Variants in ZFHX3 observed in about 807,000 individuals in gnomAD.
ZFHX3 encodes the protein zinc finger homeobox 3.
ZFHX3 carries 42 observed loss-of-function variants against 279.1 expected under a neutral mutation model. The ratio of observed to expected loss-of-function variants is 0.15; its 90% confidence interval spans 0.12 to 0.19. ZFHX3 has a LOEUF of 0.19. Among genes scored for constraint, ZFHX3 ranks in the 10% least tolerant of loss-of-function variants. ZFHX3 has a pLI of 1.00. For missense variants in ZFHX3, 4,981 were observed against 4,754.0 expected (o/e 1.05, Z -1.40); for synonymous variants, 2,293 against 1,957.8 (o/e 1.17, Z -4.52).
intron 4 of ZFHX3, among the ~76,000 whole-genome samples, chr16:73,285,124 G>C (rs527669541): frequency 6.0e-4 from 91 of 152,332 alleles, no homozygotes; most frequent in Middle Eastern, 3.4e-3. Context: ...TCATTTGGGA[G>C]CTGGCCTCAT....
At chr16:73,702,010 G>A (rs1394150628) in intron 1 of ZFHX3, among the ~76,000 whole-genome samples, 2 of 152,110 alleles carry the variant, frequency 1.3e-5, no homozygotes, top group East Asian at 1.9e-4. Context: ...GTTTTGTACT[G>A]TGTGAAATGC....
At chr16:73,272,240 G>A (rs2014167190) in intron 4 of ZFHX3, among the ~76,000 whole-genome samples, 1 of 152,168 alleles carries the variant, frequency 6.6e-6, no homozygotes, top group Non-Finnish European at 1.5e-5. Context: ...GTGACAGTAG[G>A]TTGCAGATTT....
chr16:73,500,307 TTTTGTTTTTTTG>T (rs2019213435), intron 2 of ZFHX3: 1 of 153,496 alleles, frequency 6.5e-6, no homozygotes, highest in East Asian at 1.9e-4. Context: ...CTACTTGGGT[TTTTGTTTTTTTG>T]TTTGTTTGTT....
At chr16:72,893,427 T>C (rs2038820312) in intron 3 of ZFHX3, among the ~76,000 whole-genome samples, 1 of 152,214 alleles carries the variant, frequency 6.6e-6, no homozygotes. Context: ...AGGAATAACA[T>C]GGCCAGAAGA....
At chr16:73,046,776 C>A (rs1436739318) in intron 1 of ZFHX3, among the ~76,000 whole-genome samples, 2 of 152,134 alleles carry the variant, frequency 1.3e-5, no homozygotes, top group African/African-American at 4.8e-5. Context: ...TGCATTCTGA[C>A]AAGCAGGACC....
At chr16:73,513,506 T>C (rs1471790077) in intron 2 of ZFHX3, among the ~76,000 whole-genome samples, 2 of 152,164 alleles carry the variant, frequency 1.3e-5, no homozygotes, top group African/African-American at 4.8e-5. Context: ...GGTTTACAGA[T>C]AGTTTGGCAA....
intron 1 of ZFHX3, among the ~76,000 whole-genome samples, chr16:73,735,815 G>A (rs2053604230): frequency 6.6e-6 from 1 of 152,048 alleles, no homozygotes; most frequent in East Asian, 1.9e-4. Context: ...CTTCTCTGTA[G>A]GGTTTTGAAT....
chr16:73,510,244 C>T (rs907828665), intron 2 of ZFHX3, among the ~76,000 whole-genome samples: 2 of 152,118 alleles, frequency 1.3e-5, no homozygotes, highest in African/African-American at 2.4e-5. Flanking sequence ...TGACACTTGC[C>T]TGTTTATTTA....
intron 3 of ZFHX3, among the ~76,000 whole-genome samples, chr16:72,937,404 C>T (rs537161091): frequency 6.6e-5 from 10 of 152,262 alleles, no homozygotes; most frequent in East Asian, 3.9e-4. Context: ...CTGAAAGGTC[C>T]GGCGAATTAG....
At chr16:73,349,638 CT>C (rs2016190122) in intron 3 of ZFHX3, among the ~76,000 whole-genome samples, 37 of 91,322 alleles carry the variant, frequency 4.1e-4, no homozygotes, top group Non-Finnish European at 4.8e-4. Flanking sequence ...CCCTCCCTCC[CT>C]CCCTCCCTCT....
At chr16:73,787,583 G>A (rs180689983) in intron 1 of ZFHX3, among the ~76,000 whole-genome samples, 211 of 152,232 alleles carry the variant, frequency 1.4e-3, no homozygotes, top group South Asian at 5.0e-3. Flanking sequence ...AACAGCATTT[G>A]TTTAGTCCTA....
chr16:73,870,599 C>G (rs1006485554), intron 1 of ZFHX3, among the ~76,000 whole-genome samples: 4 of 152,128 alleles, frequency 2.6e-5, no homozygotes, highest in African/African-American at 9.7e-5. Context: ...ATGGCATTTG[C>G]AAAGCGTCTG....
At chr16:73,780,460 T>C (rs75634865) in intron 1 of ZFHX3, among the ~76,000 whole-genome samples, 2 of 150,704 alleles carry the variant, frequency 1.3e-5, no homozygotes, top group African/African-American at 2.4e-5. Flanking sequence ...TTTTTTTTTT[T>C]AAGACAGAGT....
chr16:73,576,559 G>A (rs1462530685), intron 2 of ZFHX3, among the ~76,000 whole-genome samples: 6 of 152,216 alleles, frequency 3.9e-5, no homozygotes, highest in Admixed American at 2.6e-4. Context: ...AGACACGCAC[G>A]GAAGTAAAAG....
At chr16:73,063,053 C>A (rs1007392068), upstream of ZFHX3, among the ~76,000 whole-genome samples, 2 of 152,232 alleles carry the variant, frequency 1.3e-5, no homozygotes, top group African/African-American at 2.4e-5. Flanking sequence ...CCGGCCCGTG[C>A]CCCAGGCTTG....
At chr16:73,512,044 C>G (rs901988473) in intron 2 of ZFHX3, among the ~76,000 whole-genome samples, 10 of 152,080 alleles carry the variant, frequency 6.6e-5, no homozygotes, top group African/African-American at 2.4e-4. Flanking sequence ...CAGGACGACT[C>G]AAGTGGAGAA....
At chr16:72,807,927 A>G (rs1354628081) in intron 7 of ZFHX3, 2 of 152,190 alleles carry the variant, frequency 1.3e-5, no homozygotes, top group Non-Finnish European at 2.9e-5. Context: ...CTTCTCCTGG[A>G]GCATGAATGA....
At chr16:73,338,130 G>A (rs1029341228) in intron 3 of ZFHX3, among the ~76,000 whole-genome samples, 5 of 152,060 alleles carry the variant, frequency 3.3e-5, no homozygotes, top group Admixed American at 2.0e-4. Flanking sequence ...GCATCAGAAC[G>A]TGCTGAAGAA....
intron 2 of ZFHX3, among the ~76,000 whole-genome samples, chr16:73,491,630 A>C (rs904518282): frequency 6.6e-6 from 1 of 152,196 alleles, no homozygotes; most frequent in Non-Finnish European, 1.5e-5. Context: ...ACAGGTGTAC[A>C]TACTATGGAT....
Sources: gnomAD v4.1 joint callset for allele counts (sites outside exome capture counted in the v4.1 genomes callset) on GRCh38, gnomAD v4.1.1 for gene constraint, MANE v1.5 for transcripts, NCBI Gene and HGNC (gene_info 2026-07-23, HGNC 2026-07-21) for gene names.